NETO1: variants seen among roughly 807,000 people sequenced by gnomAD.
NETO1 encodes the protein neuropilin and tolloid like 1, also known as neuropilin and tolloid-like protein 1.
NETO1 carries 26 observed loss-of-function variants against 61.3 expected under a neutral mutation model. The ratio of observed to expected loss-of-function variants is 0.42; its 90% confidence interval spans 0.31 to 0.59. The LOEUF is 0.59. NETO1 is among the 20% of genes least tolerant of loss of function. NETO1 has a pLI of 0.12. For missense variants in NETO1, 531 were observed against 662.8 expected, an observed-to-expected ratio of 0.80 and a Z score of 2.18; for synonymous variants, 225 against 225.8, an observed-to-expected ratio of 1.00 and a Z score of 0.03.
intron 4 of NETO1, among the ~76,000 whole-genome samples, chr18:72,811,710 C>G (rs1027126999): frequency 1.3e-5 from 2 of 152,082 alleles, no homozygotes; most frequent in Admixed American, 1.3e-4. Context: ...GAAGCTAAGG[C>G]AGGAGGATGG....
At chr18:72,851,004 G>A (rs1007591324) in intron 4 of NETO1, among the ~76,000 whole-genome samples, 3 of 152,202 alleles carry the variant, frequency 2.0e-5, no homozygotes, top group Non-Finnish European at 4.4e-5. Context: ...TGTCTTTCCT[G>A]TGTACTGCTG....
rs2070384672 is a variant in NETO1, at chr18:72,744,223, CCT to C, written c.*3954_*3955del. Reference sequence around the variant, plus strand: ...TCACCCTAATTGTTATTTTTATTACCCTGTTTTATTTATTTTGATGATACAAT... The same window carrying C: ...TCACCCTAATTGTTATTTTTATTACCGTTTTATTTATTTTGATGATACAAT... On this transcript the variant is annotated 3_prime_UTR_variant, in exon 11 of 11. Coordinates refer to ENST00000327305, the MANE Select transcript of NETO1 (RefSeq NM_138966.5). 1 of 151,800 alleles carries C rather than the reference CCT, an allele frequency of 6.6e-6. No homozygotes were observed. Among genetic ancestry groups the C allele is most frequent in the Admixed American group, 6.6e-5 (1 of 15,238 alleles). 9.4% of individuals were successfully genotyped at this position (151,800 alleles called of 1,614,324 possible).
chr18:72,755,707 C>A (rs2070760465), intron 8 of NETO1, among the ~76,000 whole-genome samples: 1 of 151,984 alleles, frequency 6.6e-6, no homozygotes, highest in South Asian at 2.1e-4. Context: ...CGTGTAGCCA[C>A]AAGCAGACAG....
chr18:72,866,957 TG>T (rs1167741877), intron 1 of NETO1: 2 of 409,340 alleles, frequency 4.9e-6, no homozygotes, highest in Non-Finnish European at 8.2e-6. Context: ...CGCCCTCGCT[TG>T]GGCCAATCTC....
At chr18:72,810,782 T>C (rs1458822308) in intron 4 of NETO1, among the ~76,000 whole-genome samples, 1 of 152,108 alleles carries the variant, frequency 6.6e-6, no homozygotes, top group East Asian at 1.9e-4. Flanking sequence ...GTGAGAAAAA[T>C]AATCCGAGGC....
intron 4 of NETO1, among the ~76,000 whole-genome samples, chr18:72,839,326 T>C (rs1217474302): frequency 2.0e-5 from 3 of 152,220 alleles, no homozygotes; most frequent in African/African-American, 4.8e-5. Flanking sequence ...TACTCCAAAA[T>C]TTGAATGATT....
At chr18:72,819,867 C>T (rs1442402071) in intron 4 of NETO1, among the ~76,000 whole-genome samples, 2 of 151,894 alleles carry the variant, frequency 1.3e-5, no homozygotes, top group East Asian at 1.9e-4. Context: ...GGAAAAGAAC[C>T]TCTAATTTCA....
intron 4 of NETO1, among the ~76,000 whole-genome samples, chr18:72,837,297 G>A (rs1229353031): frequency 1.3e-5 from 2 of 152,096 alleles, no homozygotes; most frequent in African/African-American, 2.4e-5. Context: ...ACATAGCTCT[G>A]AATTCTGAAT....
At chr18:72,848,723 T>A (rs988448699) in intron 4 of NETO1, among the ~76,000 whole-genome samples, 1 of 152,236 alleles carries the variant, frequency 6.6e-6, no homozygotes, top group Non-Finnish European at 1.5e-5. Context: ...TTGAGGTTTC[T>A]GCCTCCTGAG....
intron 4 of NETO1, among the ~76,000 whole-genome samples, chr18:72,819,143 T>G (rs1196531537): frequency 6.6e-6 from 1 of 152,132 alleles, no homozygotes; most frequent in Non-Finnish European, 1.5e-5. Flanking sequence ...TGTCTTACTG[T>G]CTTACTGTTT....
chr18:72,760,762 T>C (rs1465214083), intron 7 of NETO1, among the ~76,000 whole-genome samples: 2 of 135,782 alleles, frequency 1.5e-5, no homozygotes, highest in African/African-American at 2.4e-5. Context: ...CAAGACAGAA[T>C]TGTAAACCGT....
In NETO1 at chr18:72,750,501, G is replaced by C; in HGVS notation, c.1102C>G (p.Pro368Ala). 1 of 1,614,046 alleles carries C rather than the reference G, an allele frequency of 6.2e-7. No homozygotes were observed. The highest frequency in any genetic ancestry group is 8.5e-7 in the Non-Finnish European group (1 of 1,180,004). ...IISVIVQIKQ[P>A]RKKYVQRKSD... The stretch of plus-strand genomic sequence containing the variant: ...TTCCTTTGGACATACTTTTTACGAG[G>C]CTGTTTGATCTGTACGATGACAGAG... Residue 368 changes from proline to alanine, a missense_variant, in exon 9 of 11, where the codon CCT becomes GCT. Transcript: ENST00000327305.
rs2070438225 is a variant in NETO1 at position 72,746,625 on chromosome 18, A to G, written c.*1554T>C. On this transcript the variant is annotated 3_prime_UTR_variant, in exon 11 of 11. Coordinates refer to ENST00000327305, the MANE Select transcript of NETO1 (RefSeq NM_138966.5). ...TATGACATTGTATTCCTAGTAGGGA[A>G]GTATAACAGTAATTCATCTAGTTTG... Among the ~76,000 whole-genome samples, 1 of 151,904 alleles carries G rather than the reference A, an allele frequency of 6.6e-6. No homozygotes were observed. Among genetic ancestry groups the G allele is most frequent in the South Asian group, 2.1e-4 (1 of 4,826 alleles).
chr18:72,805,545 A>G (rs2072648228), intron 4 of NETO1, among the ~76,000 whole-genome samples: 1 of 152,226 alleles, frequency 6.6e-6, no homozygotes, highest in South Asian at 2.1e-4. Context: ...TATGATGTAG[A>G]TAACAGTGCT....
rs931586680 is a variant in NETO1, at chr18:72,746,179, T to A, written c.*2000A>T. Among the ~76,000 whole-genome samples the A allele has an allele frequency of 2.0e-5, 3 of 152,088 alleles. No individual in the cohort carries two copies. The highest frequency in any genetic ancestry group is 4.4e-5 in the Non-Finnish European group (3 of 68,000). Reference sequence around the variant, plus strand: ...TCACTATTTTTATTGCTGTTACAAATAAAAAATCTTGACAGTTATATCATA... The same window carrying A: ...TCACTATTTTTATTGCTGTTACAAAAAAAAAATCTTGACAGTTATATCATA... On this transcript the variant is annotated 3_prime_UTR_variant, in exon 11 of 11. Coordinates refer to ENST00000327305, the MANE Select transcript of NETO1 (RefSeq NM_138966.5).
intron 1 of NETO1, chr18:72,865,734 G>A: frequency 6.7e-7 from 1 of 1,491,636 alleles, no homozygotes; most frequent in Non-Finnish European, 9.0e-7. Context: ...AAATCCTACA[G>A]ACTGTGGAGG....
Position 72,752,219 on chromosome 18 carries a change from A to G in NETO1, c.983-1599T>C, listed in dbSNP as rs114185533. Among the ~76,000 whole-genome samples, 534 of 152,302 alleles carry G rather than the reference A, an allele frequency of 3.5e-3. 4 individuals carry two copies. Among genetic ancestry groups the G allele is most frequent in the African/African-American group, 0.012 (512 of 41,572 alleles). ...CAACTCACAAAGGCTAGACTCAAGG[A>G]CTACCCTTGCAATTAATTAAATTTA... On this transcript the variant is annotated intron_variant, in intron 8 of 10. Transcript: ENST00000327305.
intron 7 of NETO1, among the ~76,000 whole-genome samples, chr18:72,775,368 C>A (rs1428701497): frequency 6.6e-6 from 1 of 152,192 alleles, no homozygotes; most frequent in Non-Finnish European, 1.5e-5. Flanking sequence ...TTTATACACT[C>A]ATTATTTCCT....
chr18:72,748,960 G>A, intron 10 of NETO1, 54 bp downstream of exon 10: 1 of 1,086,086 alleles, frequency 9.2e-7, no homozygotes, highest in Non-Finnish European at 1.4e-6. Flanking sequence ...CAAGACAGTT[G>A]CAACAAAACA....
Sources: allele counts gnomAD v4.1 joint callset (sites outside exome capture counted in the v4.1 genomes callset), GRCh38; gene constraint gnomAD v4.1.1; transcripts MANE v1.5; gene names NCBI Gene and HGNC (gene_info 2026-07-23, HGNC 2026-07-21).